The following ZNF318 variants were observed in gnomAD, a reference collection of about 807,000 sequenced individuals.
The protein encoded by ZNF318 is zinc finger protein 318.
In ZNF318, 51 loss-of-function variants were observed where a neutral mutation model predicts 124.2. The observed-to-expected ratio is 0.41, with a 90% CI of 0.33 to 0.52. The LOEUF (loss-of-function observed/expected upper bound fraction) is 0.52. Ranked by LOEUF, ZNF318 falls within the 20% of genes least tolerant of loss-of-function variation. ZNF318 has a pLI of 0.23. For missense variants in ZNF318, 2,815 were observed against 2,811.2 expected, an observed-to-expected ratio of 1.00 and a Z score of -0.03; for synonymous variants, 1,090 against 1,040.7, an observed-to-expected ratio of 1.05 and a Z score of -0.91.
At chr6:43,356,815 T>G (rs1401045439) in intron 3 of ZNF318, among the ~76,000 whole-genome samples, 1 of 152,114 alleles carries the variant, frequency 6.6e-6, no homozygotes, top group Non-Finnish European at 1.5e-5. Flanking sequence ...CCCTTGCCCT[T>G]CAAGGTTCAT....
chr6:43,342,216 T>C lies in ZNF318; in HGVS notation c.3277-5A>G. The C allele has an allele frequency of 6.2e-7, 1 of 1,608,220 alleles. No individual in the cohort carries two copies. The highest frequency in any genetic ancestry group is 8.5e-7 in the Non-Finnish European group (1 of 1,177,036). On this transcript the variant is annotated splice_region_variant and splice_polypyrimidine_tract_variant and intron_variant, in intron 7 of 9. Transcript: ENST00000361428. ...TCTGTTGTAGGGATCCAGTGTCTAT[T>C]TGTAAGAGGCAGAGGTGCTCACACA... is the stretch of plus-strand genomic sequence containing the variant.
chr6:43,347,710 G>C (rs913645294), intron 6 of ZNF318, among the ~76,000 whole-genome samples: 2 of 152,124 alleles, frequency 1.3e-5, no homozygotes, highest in Non-Finnish European at 2.9e-5. Flanking sequence ...CATAAAACTG[G>C]CAATTGTCAC....
Position 43,355,048 on chromosome 6 carries a change from G to C in ZNF318, c.2286C>G (p.His762Gln), listed in dbSNP as rs760119871. Reference sequence around the variant, plus strand: ...CAGCAAACTGAGAGGCCCTTGGCATGTGAAACTGAGATAAAGCAGCAGTGT... The same window carrying C: ...CAGCAAACTGAGAGGCCCTTGGCATCTGAAACTGAGATAAAGCAGCAGTGT... ...LPHTAALSQF[H>Q]MPRASQFAAA... The change falls in exon 4 of 10, where the codon CAC becomes CAG. Residue 762 changes from histidine (H) to glutamine (Q), a missense_variant. Physicochemically the swap from His to Gln is conservative, Grantham distance 24 (BLOSUM62 0). Transcript: ENST00000361428. 6 of 1,613,968 alleles carry C rather than the reference G, an allele frequency of 3.7e-6. No homozygotes were observed. In the African/African-American group the frequency reaches 8.0e-5, roughly 22 times the overall value.
rs1228226818 is a variant in ZNF318, at chr6:43,348,575, G to C, written c.2821C>G (p.Leu941Val). 3 of 1,614,132 alleles carry C rather than the reference G, an allele frequency of 1.9e-6. No homozygotes were observed. The highest frequency in any genetic ancestry group is 2.5e-6 in the Non-Finnish European group (3 of 1,180,018). Reference protein sequence around the residue: ...RREKDGHKDPLLVEVSRLQDN... With the variant: ...RREKDGHKDPVLVEVSRLQDN... ...TGAAGCCGACTCACCTCCACCAAGA[G>C]AGGATCTTTGTGGCCATCCTTCTCC... is the stretch of plus-strand genomic sequence containing the variant. Residue 941 changes from leucine to valine, a missense_variant, in exon 6 of 10, where the codon CTC (leucine) becomes GTC (valine). By Grantham distance (32) the Leu-to-Val change is conservative. This residue lies in a region of ZNF318 where 1,377 missense variants were observed against 1,353.5 expected (regional missense o/e 1.02). Coordinates refer to ENST00000361428, the MANE Select transcript of ZNF318 (RefSeq NM_014345.3).
intron 4 of ZNF318, among the ~76,000 whole-genome samples, chr6:43,353,270 A>C (rs1779558506): frequency 1.3e-5 from 2 of 152,214 alleles, no homozygotes; most frequent in Non-Finnish European, 2.9e-5. Flanking sequence ...AGGGTATTTA[A>C]GTCCAATAGA....
intron 6 of ZNF318, among the ~76,000 whole-genome samples, chr6:43,343,571 G>A (rs1779400483): frequency 1.3e-5 from 2 of 152,094 alleles, no homozygotes; most frequent in African/African-American, 4.8e-5. Flanking sequence ...GCTCACACCT[G>A]TAATCCCATC....
In ZNF318 at chr6:43,369,236, G is replaced by C. The variant is rs886688836; in HGVS notation, c.130C>G (p.Pro44Ala). 96 of 1,234,166 alleles carry C rather than the reference G, an allele frequency of 7.8e-5. No individual in the cohort carries two copies. The highest frequency in any genetic ancestry group is 9.5e-5 in the Non-Finnish European group (94 of 988,494). The allele number at this position is 1,234,166 out of a possible 1,614,324, so 76.5% of individuals were successfully genotyped here. A position where few individuals can be genotyped will look rare whatever the true frequency, so the allele number is the denominator to read the frequency against. Reference protein sequence around the residue: ...GPARRSSPPPPPSGSSSRTPA... With the variant: ...GPARRSSPPPAPSGSSSRTPA... ...GTCCGCGACGAGGAGCCGGAGGGCG[G>C]AGGCGGCGGTGAGCTGCGGCGAGCC... is the stretch of plus-strand genomic sequence containing the variant. The change falls in exon 1 of 10, where the codon CCG (proline) becomes GCG (alanine). Residue 44 changes from proline to alanine, a missense_variant. By Grantham distance (27) the Pro-to-Ala change is conservative. Transcript: ENST00000361428.
rs1015245872 is a variant in ZNF318 at position 43,337,037 on chromosome 6, G to A, written c.*121C>T. On this transcript the variant is annotated 3_prime_UTR_variant, in exon 10 of 10. Transcript: ENST00000361428. ...TAGCTTCCATGAACATTTACTTTAA[G>A]ATGCTGACTGCATCTCTTGGTGTAG... The A allele has an allele frequency of 4.3e-6, 4 of 931,238 alleles. No individual in the cohort carries two copies. The highest frequency in any genetic ancestry group is 6.0e-6 in the Non-Finnish European group (4 of 671,966). The allele number at this position is 931,238 out of a possible 1,614,324, so 57.7% of individuals were successfully genotyped here. A position where few individuals can be genotyped will look rare whatever the true frequency, so the allele number is the denominator to read the frequency against.
intron 2 of ZNF318, among the ~76,000 whole-genome samples, chr6:43,362,686 T>A (rs1327494672): frequency 1.3e-5 from 2 of 151,912 alleles, no homozygotes; most frequent in African/African-American, 4.8e-5. Flanking sequence ...GTATTTTTGG[T>A]AGAGACAGGA....
chr6:43,357,758 G>A lies in ZNF318; in HGVS notation c.556C>T (p.Leu186=). The A allele has an allele frequency of 6.3e-7, 1 of 1,590,228 alleles. No individual in the cohort carries two copies. The highest frequency in any genetic ancestry group is 8.5e-7 in the Non-Finnish European group (1 of 1,175,598). The change falls in exon 3 of 10, where the codon CTG becomes TTG. Residue 186 remains leucine (L), a synonymous_variant. Transcript: ENST00000361428. ...DNLEDMDRDD[L]TDDSVFTRSS... ...CGAGTGAAGACAGAATCATCAGTCA[G>A]GTCATCCCTGAGGAAAAAGAGAAGC...
At position 43,357,600 on chromosome 6, in the gene ZNF318, G is replaced by A. The variant is rs1779627308; in HGVS notation, c.714C>T (p.Pro238=). Residue 238 remains proline (P), a synonymous_variant, in exon 3 of 10, where the codon CCC becomes CCT. Transcript: ENST00000361428. ...ETFLHRSDYS[P]HISCHDELLR... ...ACAGCTCATCATGACAACTGATATG[G>A]GGACTATAATCAGATCGATGCAGGA... 6.2e-7 allele frequency: 1 copy of A among 1,614,052 alleles called. No homozygotes were observed.
At chr6:43,351,417 T>C (rs1562131963) in intron 5 of ZNF318, among the ~76,000 whole-genome samples, 1 of 152,152 alleles carries the variant, frequency 6.6e-6, no homozygotes, top group Non-Finnish European at 1.5e-5. Flanking sequence ...TGTTAGGAAA[T>C]ACTTAAGTAT....
rs1443538981 is a variant in ZNF318 at position 43,365,327 on chromosome 6, C to G, written c.513G>C (p.Leu171=). Residue 171 remains leucine (L), a synonymous_variant, in exon 2 of 10, where the codon CTG becomes CTC. Transcript: ENST00000361428. The stretch of plus-strand genomic sequence containing the variant: ...CTTCCAGATTATCCACTGGTGACCC[C>G]AGCCGATCACTAAGCCGTCGCCGTT... ...TPERRRLSDR[L]GSPVDNLEDM... 31 of 1,614,166 alleles carry G rather than the reference C, an allele frequency of 1.9e-5. No individual in the cohort carries two copies. Among genetic ancestry groups the G allele is most frequent in the Non-Finnish European group, 2.6e-5 (31 of 1,180,012 alleles).
intron 2 of ZNF318, among the ~76,000 whole-genome samples, chr6:43,364,483 C>T (rs549141349): frequency 9.2e-5 from 14 of 152,162 alleles, no homozygotes; most frequent in Admixed American, 6.5e-5. Context: ...ACACGGCAAG[C>T]GACAGTCTCA....
Position 43,348,322 on chromosome 6 carries a change from A to G in ZNF318, c.3072+2T>C. On this transcript the variant is annotated splice_donor_variant, in intron 6 of 9. Transcript: ENST00000361428. LOFTEE classifies it high-confidence loss of function. The stretch of plus-strand genomic sequence containing the variant: ...ATAGAAATGGAAAAATTGAGTTGTT[A>G]CCTTGTTGGAGGAGGAGTTTGAGAA... 6.3e-7 allele frequency: 1 copy of G among 1,599,256 alleles called. No homozygotes were observed. The highest frequency in any genetic ancestry group is 8.5e-7 in the Non-Finnish European group (1 of 1,174,346).
chr6:43,348,177 A>C, intron 6 of ZNF318, 147 bp downstream of exon 6: 1 of 779,542 alleles, frequency 1.3e-6, no homozygotes, highest in Non-Finnish European at 2.1e-6. Context: ...AATTCTGAAG[A>C]GGAGTACCAC....
At chr6:43,343,133 T>C (rs928685662) in intron 6 of ZNF318, among the ~76,000 whole-genome samples, 1 of 152,092 alleles carries the variant, frequency 6.6e-6, no homozygotes, top group Non-Finnish European at 1.5e-5. Context: ...TCCTAAAATA[T>C]CTCTAGAAGA....
rs1779348028 is a variant in ZNF318, at chr6:43,339,960, A to G, written c.4038T>C (p.Thr1346=). The G allele has an allele frequency of 6.2e-7, 1 of 1,614,192 alleles. No homozygotes were observed. ...WMPVVTTSTQ[T]KIRPNLPIPS... ...GAATAGGCAGGTTGGGTCGGATCTTAGTCTGTGTGGAAGTTGTCACAACAG... is the reference window on the plus strand; with the variant it reads ...GAATAGGCAGGTTGGGTCGGATCTTGGTCTGTGTGGAAGTTGTCACAACAG... Residue 1346 remains threonine, a synonymous_variant, in exon 10 of 10, where the codon ACT becomes ACC. Transcript: ENST00000361428. This position sits in a 1 kb window ranked among gnomAD's most constrained non-coding sequence, Gnocchi z 4.2.
Position 43,340,193 on chromosome 6 carries a change from T to C in ZNF318, c.3805A>G (p.Thr1269Ala). Residue 1269 changes from threonine (T) to alanine (A), a missense_variant, in exon 10 of 10, where the codon ACA becomes GCA. Thr to Ala is a moderately conservative substitution (Grantham distance 58). Around this residue, in one of 4 missense-constraint regions of ZNF318, gnomAD observed 500 missense variants for 605.2 expected, o/e 0.83. Coordinates refer to ENST00000361428, the MANE Select transcript of ZNF318 (RefSeq NM_014345.3). ...LKEEVKKESP[T>A]SSSFGKFSWK... ...CTGAATTTCCCAAAAGAAGATGATG[T>C]TGGTGATTCCTTCTTTACCTCTTCT... 2.5e-6 allele frequency: 4 copies of C among 1,614,220 alleles called. No individual in the cohort carries two copies. Among genetic ancestry groups the C allele is most frequent in the Non-Finnish European group, 3.4e-6 (4 of 1,180,036 alleles).
Sources: gnomAD v4.1 joint callset for allele counts (sites outside exome capture counted in the v4.1 genomes callset) on GRCh38, gnomAD v4.1.1 for gene constraint, gnomAD v4.1.1 regional missense constraint, Gnocchi (gnomAD v3.1) non-coding constraint, MANE v1.5 for transcripts, NCBI Gene and HGNC (gene_info 2026-07-23, HGNC 2026-07-21) for gene names.